Variants in LINGO2 observed in about 807,000 individuals in gnomAD.
The protein encoded by LINGO2 is leucine-rich repeat and immunoglobulin-like domain-containing nogo receptor-interacting protein 2.
A neutral mutation model predicts 30.6 loss-of-function variants in LINGO2; 14 were observed. The observed-to-expected ratio is 0.46, with a 90% CI of 0.30 to 0.72. The LOEUF is 0.72. Among genes scored for constraint, LINGO2 ranks in the 30% least tolerant of loss-of-function variants. The pLI is 0.07. For missense variants in LINGO2, 729 were observed against 751.7 expected (o/e 0.97, Z 0.35); for synonymous variants, 317 against 288.5 (o/e 1.10, Z -1.00).
chr9:29,058,761 T>C, the LINGO2 span, among the ~76,000 whole-genome samples: 1 of 151,856 alleles, frequency 6.6e-6, no homozygotes, highest in Non-Finnish European at 1.5e-5. Context: ...ATGACAAGAA[T>C]GTTCTCTGAC....
the LINGO2 span, among the ~76,000 whole-genome samples, chr9:28,853,927 T>A: frequency 6.6e-6 from 1 of 151,926 alleles, no homozygotes; most frequent in Non-Finnish European, 1.5e-5. Context: ...CACAATTTCC[T>A]CTTTTGAAAA....
intron 4 of LINGO2, chr9:28,149,034 C>T (rs1413641574): frequency 2.2e-5 from 34 of 1,534,336 alleles, no homozygotes; most frequent in Non-Finnish European, 3.0e-5. Flanking sequence ...GACGAGGGGC[C>T]CCCACCGGCT....
At chr9:29,001,340 G>T in the LINGO2 span, among the ~76,000 whole-genome samples, 1 of 151,748 alleles carries the variant, frequency 6.6e-6, no homozygotes, top group Admixed American at 6.6e-5. Flanking sequence ...ACAATTTTTG[G>T]TAGTTTATGT....
the LINGO2 span, among the ~76,000 whole-genome samples, chr9:29,186,561 G>C: frequency 6.6e-6 from 1 of 151,956 alleles, no homozygotes; most frequent in African/African-American, 2.4e-5. Context: ...CTGTTCTTCT[G>C]GGATACTAGC....
upstream of LINGO2, among the ~76,000 whole-genome samples, chr9:28,671,883 G>A (rs1829034001): frequency 6.6e-6 from 1 of 152,062 alleles, no homozygotes; most frequent in African/African-American, 2.4e-5. Context: ...CTTATCACAG[G>A]AGAAGTCATA....
chr9:28,655,058 G>A (rs1209228275), intron 1 of LINGO2, among the ~76,000 whole-genome samples: 1 of 152,050 alleles, frequency 6.6e-6, no homozygotes, highest in African/African-American at 2.4e-5. Flanking sequence ...AACTTGGTGA[G>A]TGATATTGTT....
At chr9:28,971,762 C>T in the LINGO2 span, among the ~76,000 whole-genome samples, 1 of 152,236 alleles carries the variant, frequency 6.6e-6, no homozygotes, top group Non-Finnish European at 1.5e-5. Context: ...CCACCTTTGC[C>T]ACCTGCCAGT....
intron 4 of LINGO2, among the ~76,000 whole-genome samples, chr9:28,045,553 G>A (rs1260674271): frequency 1.3e-5 from 2 of 152,180 alleles, no homozygotes; most frequent in Non-Finnish European, 2.9e-5. Flanking sequence ...TGAGAGAAAA[G>A]ATTGAGAATT....
At chr9:28,929,386 A>C in the LINGO2 span, among the ~76,000 whole-genome samples, 8 of 152,232 alleles carry the variant, frequency 5.3e-5, no homozygotes, top group African/African-American at 7.2e-5. Context: ...AGAAACAATA[A>C]GGAATAAAAT....
At chr9:28,464,496 ATATACAGTTC>A (rs1345000519) in intron 2 of LINGO2, among the ~76,000 whole-genome samples, 3 of 152,212 alleles carry the variant, frequency 2.0e-5, no homozygotes, top group African/African-American at 7.2e-5. Context: ...AATATGTTAA[ATATACAGTTC>A]CTTATATGCA....
the LINGO2 span, among the ~76,000 whole-genome samples, chr9:28,827,257 C>T: frequency 6.6e-6 from 1 of 152,124 alleles, no homozygotes; most frequent in Non-Finnish European, 1.5e-5. Flanking sequence ...TTCATGGTAA[C>T]TAGTGATAGT....
chr9:28,280,265 T>C (rs549347190), intron 4 of LINGO2, among the ~76,000 whole-genome samples: 1 of 152,250 alleles, frequency 6.6e-6, no homozygotes, highest in South Asian at 2.1e-4. Context: ...GATTACATTG[T>C]AAGTAAGATA....
chr9:28,482,891 C>T (rs1023904929), intron 1 of LINGO2, among the ~76,000 whole-genome samples: 1 of 151,930 alleles, frequency 6.6e-6, no homozygotes, highest in African/African-American at 2.4e-5. Context: ...TCATAAAAAC[C>T]CTAGAAGAAA....
At chr9:28,979,257 C>T in the LINGO2 span, among the ~76,000 whole-genome samples, 98,809 of 151,764 alleles carry the variant, frequency 0.65, 32,754 homozygotes, top group Non-Finnish European at 0.72. Flanking sequence ...TTAACATTAG[C>T]ACCAAAACTG....
At chr9:29,201,632 T>G in the LINGO2 span, among the ~76,000 whole-genome samples, 1 of 151,910 alleles carries the variant, frequency 6.6e-6, no homozygotes, top group African/African-American at 2.4e-5. Context: ...AGATTTCAAG[T>G]TCATTGGCTT....
the LINGO2 span, among the ~76,000 whole-genome samples, chr9:28,830,469 G>A: frequency 1.3e-5 from 2 of 152,182 alleles, no homozygotes; most frequent in East Asian, 3.9e-4. Flanking sequence ...AAACCAAAAT[G>A]GAAATGAACA....
intron 4 of LINGO2, among the ~76,000 whole-genome samples, chr9:28,243,210 C>A (rs1410704870): frequency 6.6e-6 from 1 of 152,014 alleles, no homozygotes; most frequent in East Asian, 1.9e-4. Context: ...GTAATCCTAG[C>A]ACTTTGGGAG....
chr9:28,788,682 G>C, the LINGO2 span, among the ~76,000 whole-genome samples: 1 of 152,152 alleles, frequency 6.6e-6, no homozygotes, highest in Non-Finnish European at 1.5e-5. Context: ...GTGGCAGAAA[G>C]GAGAAGTGCT....
At position 28,204,092 on chromosome 9, in the gene LINGO2, G is replaced by A. The variant is rs1820329626; in HGVS notation, c.-87+91116C>T. 2.6e-5 allele frequency among the ~76,000 whole-genome samples: 4 copies of A among 152,082 alleles called. No individual in the cohort carries two copies. The South Asian group carries it at 8.3e-4, about 32-fold the overall frequency. The stretch of plus-strand genomic sequence containing the variant: ...GTTGCATGGAATACTCTTTAATACT[G>A]GATTCTGGGATACCCAAAGCCAGAT... On this transcript the variant is annotated intron_variant, in intron 4 of 5. Coordinates refer to ENST00000379992, the Ensembl canonical transcript of LINGO2.
Sources: gnomAD v4.1 joint callset for allele counts (sites outside exome capture counted in the v4.1 genomes callset) on GRCh38, gnomAD v4.1.1 for gene constraint, MANE v1.5 for transcripts, NCBI Gene and HGNC (gene_info 2026-07-23, HGNC 2026-07-21) for gene names.